KCNIP3: variants seen among roughly 807,000 people sequenced by gnomAD.
The protein encoded by KCNIP3 is calsenilin.
KCNIP3 carries 28 observed loss-of-function variants against 35.0 expected under a neutral mutation model. That is an observed-to-expected ratio of 0.80 (90% CI 0.59 to 1.10). The LOEUF (loss-of-function observed/expected upper bound fraction) is 1.10, where lower values mean the gene tolerates loss of function less well. KCNIP3 is among the 50% of genes least tolerant of loss of function. The pLI is 0.00. For missense variants in KCNIP3, 295 were observed against 338.4 expected, an observed-to-expected ratio of 0.87 and a Z score of 1.01; for synonymous variants, 134 against 133.8, an observed-to-expected ratio of 1.00 and a Z score of -0.01.
chr2:95,323,907 G>T (rs920314018), intron 2 of KCNIP3, among the ~76,000 whole-genome samples: 2 of 152,228 alleles, frequency 1.3e-5, no homozygotes, highest in African/African-American at 4.8e-5. Flanking sequence ...TGAGGGGCCA[G>T]CTCCTGAGGG....
rs932870951 is a variant in KCNIP3 at position 95,382,301 on chromosome 2, G to A, written c.556-76G>A. The A allele has an allele frequency of 4.3e-6, 4 of 929,106 alleles. No homozygotes were observed. The highest frequency in any genetic ancestry group is 2.9e-5 in the Admixed American group (1 of 34,426). The allele number at this position is 929,106 out of a possible 1,614,324, so 57.6% of individuals were successfully genotyped here. A position where few individuals can be genotyped will look rare whatever the true frequency, so the allele number is the denominator to read the frequency against. On this transcript the variant is annotated intron_variant, in intron 6 of 8. Coordinates refer to ENST00000295225, the MANE Select transcript of KCNIP3 (RefSeq NM_013434.5). The surrounding 1 kb of genome is among the most constrained non-coding windows in gnomAD (Gnocchi z 4.5). ...TGCCTTGGAGGTGCCCTGCACCCTT[G>A]GATGCCGCCCGCTCCCTTTGGGCCC...
At chr2:95,321,656 A>T (rs1678601294) in intron 2 of KCNIP3, among the ~76,000 whole-genome samples, 1 of 152,182 alleles carries the variant, frequency 6.6e-6, no homozygotes. Flanking sequence ...TTTAAGAGAA[A>T]CACGGGGCTC....
chr2:95,330,860 C>T (rs1174125779), intron 2 of KCNIP3, among the ~76,000 whole-genome samples: 1 of 152,214 alleles, frequency 6.6e-6, no homozygotes, highest in African/African-American at 2.4e-5. Flanking sequence ...AATAAAAACC[C>T]CTAGAGCTTA....
chr2:95,334,327 C>T (rs974629032), intron 2 of KCNIP3, among the ~76,000 whole-genome samples: 29 of 152,148 alleles, frequency 1.9e-4, no homozygotes, highest in Non-Finnish European at 4.4e-5. Context: ...CTTGCATGGG[C>T]ATGTGTGCAC....
chr2:95,326,216 CACTCAT>C (rs1424051078), intron 2 of KCNIP3, among the ~76,000 whole-genome samples: 2 of 150,144 alleles, frequency 1.3e-5, no homozygotes, highest in Non-Finnish European at 3.0e-5. Flanking sequence ...TATACACACA[CACTCAT>C]ACACATACAC....
chr2:95,325,329 C>T (rs542627526), intron 2 of KCNIP3, among the ~76,000 whole-genome samples: 218 of 152,256 alleles, frequency 1.4e-3, no homozygotes, highest in Middle Eastern at 3.4e-3. Flanking sequence ...GAGTGCTGGC[C>T]GCAGCTCAGC....
chr2:95,319,807 G>A lies in KCNIP3; in HGVS notation c.181+9287G>A, dbSNP rs544767376. ...CATGGTGCTCCCTCTCTCTCCCTCC[G>A]CTGCGCCGTCTGTCTCAGTCCATGT... On this transcript the variant is annotated intron_variant, in intron 2 of 8. Coordinates refer to ENST00000295225, the MANE Select transcript of KCNIP3 (RefSeq NM_013434.5). Among the ~76,000 whole-genome samples the A allele has an allele frequency of 2.0e-5, 3 of 152,280 alleles. No homozygotes were observed. In the South Asian group the frequency reaches 6.2e-4, roughly 32 times the overall value.
chr2:95,367,842 A>T (rs564116715), intron 2 of KCNIP3, among the ~76,000 whole-genome samples: 1 of 151,082 alleles, frequency 6.6e-6, no homozygotes, highest in East Asian at 1.9e-4. Flanking sequence ...GCTCACTGCA[A>T]CCTCTGCCTC....
At chr2:95,383,393 C>T (rs533282133) in intron 8 of KCNIP3, 99 bp downstream of exon 8, 3 of 1,213,468 alleles carry the variant, frequency 2.5e-6, no homozygotes, top group Non-Finnish European at 3.5e-6. Context: ...AGTCCCACCC[C>T]TGCCAGTCCA....
At chr2:95,366,423 C>T (rs2104291353) in intron 2 of KCNIP3, among the ~76,000 whole-genome samples, 1 of 152,260 alleles carries the variant, frequency 6.6e-6, no homozygotes, top group East Asian at 1.9e-4. Flanking sequence ...TGTACCACAG[C>T]TCATCCACTC....
Position 95,310,443 on chromosome 2 carries a change from C to T in KCNIP3, c.104C>T (p.Pro35Leu), listed in dbSNP as rs545382332. Reference protein sequence around the residue: ...SKKEGIKWQRPRLSRQALMRC... With the variant: ...SKKEGIKWQRLRLSRQALMRC... ...AAGGAGGGTATCAAGTGGCAGAGGC[C>T]GAGGCTCAGCCGCCAGGCTTTGATG... The change falls in exon 2 of 9, where the codon CCG becomes CTG. Residue 35 changes from proline (P) to leucine (L), a missense_variant. By Grantham distance (98) the Pro-to-Leu change is moderately conservative. Coordinates refer to ENST00000295225, the MANE Select transcript of KCNIP3 (RefSeq NM_013434.5). 5.7e-5 allele frequency: 92 copies of T among 1,613,630 alleles called. No homozygotes were observed. The highest frequency in any genetic ancestry group is 6.8e-5 in the Non-Finnish European group (80 of 1,179,950).
chr2:95,321,049 C>G (rs1467707784), intron 2 of KCNIP3, among the ~76,000 whole-genome samples: 43 of 149,046 alleles, frequency 2.9e-4, no homozygotes, highest in Admixed American at 6.0e-4. Context: ...CCAGCCTCTC[C>G]TCCCCACACC....
chr2:95,342,592 G>C (rs1042025197), intron 2 of KCNIP3, among the ~76,000 whole-genome samples: 13 of 152,348 alleles, frequency 8.5e-5, no homozygotes, highest in South Asian at 2.1e-4. Context: ...GGGGCACGCA[G>C]CGTTGCCAGC....
intron 2 of KCNIP3, among the ~76,000 whole-genome samples, chr2:95,359,657 C>T (rs1384585139): frequency 6.6e-6 from 1 of 152,280 alleles, no homozygotes; most frequent in Admixed American, 6.5e-5. Flanking sequence ...CAACAGGTCT[C>T]TGCCTGGACC....
At chr2:95,364,488 C>A (rs1240795476) in intron 2 of KCNIP3, among the ~76,000 whole-genome samples, 2 of 152,156 alleles carry the variant, frequency 1.3e-5, no homozygotes, top group Non-Finnish European at 2.9e-5. Context: ...TCCCCCCCCA[C>A]ATCTCATGTT....
chr2:95,328,586 T>C (rs1678848860), intron 2 of KCNIP3, among the ~76,000 whole-genome samples: 2 of 152,238 alleles, frequency 1.3e-5, no homozygotes, highest in South Asian at 4.1e-4. Context: ...GGCACATGCA[T>C]GTGTGTGCAC....
intron 1 of KCNIP3, 118 bp downstream of exon 1, chr2:95,297,571 C>G: frequency 1.2e-6 from 1 of 826,282 alleles, no homozygotes; most frequent in South Asian, 1.8e-5. Context: ...CCCTCTTGTT[C>G]CACTTTCCTT....
chr2:95,316,251 C>T (rs1395812778), intron 2 of KCNIP3, among the ~76,000 whole-genome samples: 2 of 152,254 alleles, frequency 1.3e-5, no homozygotes, highest in Non-Finnish European at 2.9e-5. Flanking sequence ...ACTTGGCCTG[C>T]ACCTGCGGAA....
chr2:95,335,065 T>C (rs1230446814), intron 2 of KCNIP3, among the ~76,000 whole-genome samples: 1 of 152,232 alleles, frequency 6.6e-6, no homozygotes, highest in African/African-American at 2.4e-5. Flanking sequence ...TCCAAGTCTT[T>C]CCTGACCATG....
Sources: gnomAD v4.1 joint callset for allele counts (sites outside exome capture counted in the v4.1 genomes callset) on GRCh38, gnomAD v4.1.1 for gene constraint, Gnocchi (gnomAD v3.1) non-coding constraint, MANE v1.5 for transcripts, NCBI Gene and HGNC (gene_info 2026-07-23, HGNC 2026-07-21) for gene names.